WDR41: variants seen among roughly 807,000 people sequenced by gnomAD.
WDR41 encodes the protein WD repeat domain 41.
Under a neutral mutation model 69.3 loss-of-function variants are expected in WDR41, and 63 were observed. The observed-to-expected ratio is 0.91, with a 90% CI of 0.74 to 1.12. The LOEUF is 1.12. Among genes scored for constraint, WDR41 ranks in the 50% most tolerant of loss-of-function variants. The pLI, the probability that WDR41 is intolerant of heterozygous loss-of-function variation, is 0.00. For synonymous variants in WDR41, 185 were observed against 192.1 expected (o/e 0.96, Z 0.31); for missense variants, 543 against 534.5 (o/e 1.02, Z -0.16).
At chr5:77,594,709 C>G (rs115784772) in intron 1 of WDR41, among the ~76,000 whole-genome samples, 1 of 152,072 alleles carries the variant, frequency 6.6e-6, no homozygotes, top group Non-Finnish European at 1.5e-5. Context: ...TCTATGGTAA[C>G]GTAACAGAGC....
At chr5:77,571,839 C>T (rs1743739099) in intron 1 of WDR41, among the ~76,000 whole-genome samples, 1 of 152,146 alleles carries the variant, frequency 6.6e-6, no homozygotes, top group Non-Finnish European at 1.5e-5. Flanking sequence ...ATTCTTGGCT[C>T]AGGCACTAAT....
At chr5:77,573,748 A>T (rs1376150447) in intron 1 of WDR41, among the ~76,000 whole-genome samples, 1 of 152,192 alleles carries the variant, frequency 6.6e-6, no homozygotes. Flanking sequence ...TTCCGACAGA[A>T]CTAGATGTGG....
At chr5:77,620,497 A>G (rs745499266) in exon 1 of WDR41, 15 of 391,974 alleles carry the variant, frequency 3.8e-5, no homozygotes, top group Non-Finnish European at 7.4e-5. Flanking sequence ...TTTCCCCTGG[A>G]CTTGAACAAT....
chr5:77,492,360 G>A (rs1801846992), upstream of WDR41: 2 of 1,131,140 alleles, frequency 1.8e-6, no homozygotes, highest in Non-Finnish European at 1.2e-6. Context: ...ACGGGCCGAA[G>A]GAATGCAGAC....
chr5:77,563,960 A>G (rs2112261791), intron 1 of WDR41, among the ~76,000 whole-genome samples: 1 of 152,310 alleles, frequency 6.6e-6, no homozygotes, highest in East Asian at 1.9e-4. Flanking sequence ...AGTCTTGATT[A>G]GAATCTCAAT....
chr5:77,470,334 G>C (rs1343963445), intron 2 of WDR41, among the ~76,000 whole-genome samples: 5 of 152,156 alleles, frequency 3.3e-5, no homozygotes, highest in African/African-American at 4.8e-5. Flanking sequence ...ATGCCAAATT[G>C]TAAAGACCAT....
At chr5:77,605,913 T>C (rs765574943) in intron 1 of WDR41, among the ~76,000 whole-genome samples, 3 of 152,066 alleles carry the variant, frequency 2.0e-5, no homozygotes, top group Non-Finnish European at 4.4e-5. Flanking sequence ...AATACAAATG[T>C]GATTACTGTT....
chr5:77,545,166 G>A (rs1743168371), intron 1 of WDR41, among the ~76,000 whole-genome samples: 1 of 151,974 alleles, frequency 6.6e-6, no homozygotes, highest in Non-Finnish European at 1.5e-5. Context: ...CACAGCAAAG[G>A]CAGTGCTAAG....
upstream of WDR41, chr5:77,492,569 G>A (rs1375082782): frequency 3.5e-6 from 1 of 288,462 alleles, no homozygotes; most frequent in Non-Finnish European, 6.4e-6. Context: ...GCGGCCCCTG[G>A]TGGACGCGCG....
intron 1 of WDR41, among the ~76,000 whole-genome samples, chr5:77,599,174 T>C (rs1361406746): frequency 6.6e-6 from 1 of 150,946 alleles, no homozygotes; most frequent in Admixed American, 6.6e-5. Context: ...TTTACAATGG[T>C]TATCTCTTGC....
intron 1 of WDR41, among the ~76,000 whole-genome samples, chr5:77,527,915 T>C (rs1234371624): frequency 6.6e-6 from 1 of 151,792 alleles, no homozygotes; most frequent in Non-Finnish European, 1.5e-5. Context: ...AGGCGTAGTT[T>C]AAAGGAATAC....
chr5:77,557,107 G>A (rs1580008484), intron 1 of WDR41, among the ~76,000 whole-genome samples: 1 of 152,160 alleles, frequency 6.6e-6, no homozygotes, highest in East Asian at 1.9e-4. Context: ...TATATTAAAA[G>A]CAAAAGTATG....
chr5:77,598,339 T>C (rs1316006743), intron 1 of WDR41, among the ~76,000 whole-genome samples: 1 of 152,198 alleles, frequency 6.6e-6, no homozygotes, highest in African/African-American at 2.4e-5. Flanking sequence ...TACTACTCCC[T>C]TGTACAAGAT....
intron 1 of WDR41, among the ~76,000 whole-genome samples, chr5:77,566,073 C>T (rs1171881123): frequency 6.6e-6 from 1 of 152,088 alleles, no homozygotes; most frequent in Non-Finnish European, 1.5e-5. Context: ...TAATTTACCT[C>T]TCTATGGTCA....
intron 1 of WDR41, among the ~76,000 whole-genome samples, chr5:77,533,111 G>T (rs1742887064): frequency 6.6e-6 from 1 of 152,162 alleles, no homozygotes; most frequent in Non-Finnish European, 1.5e-5. Flanking sequence ...AAACCAGCAA[G>T]CTCTCTCGGG....
At chr5:77,538,619 T>G (rs1743031533) in intron 1 of WDR41, among the ~76,000 whole-genome samples, 1 of 152,230 alleles carries the variant, frequency 6.6e-6, no homozygotes, top group Non-Finnish European at 1.5e-5. Flanking sequence ...TCCATGTTGC[T>G]GCAAAGGACA....
chr5:77,562,972 G>A (rs948224432), intron 1 of WDR41, among the ~76,000 whole-genome samples: 3 of 152,062 alleles, frequency 2.0e-5, no homozygotes, highest in African/African-American at 7.2e-5. Context: ...AGTTATTGCT[G>A]TTTATCTTGT....
intron 1 of WDR41, among the ~76,000 whole-genome samples, chr5:77,603,939 G>A (rs1193298023): frequency 6.6e-6 from 1 of 152,100 alleles, no homozygotes; most frequent in East Asian, 1.9e-4. Flanking sequence ...GTATATGTCT[G>A]TTTTTATACC....
intron 1 of WDR41, among the ~76,000 whole-genome samples, chr5:77,524,613 A>ATT (rs70988688): frequency 0.32 from 48,803 of 150,748 alleles, 7,961 homozygotes; most frequent in Middle Eastern, 0.34. Flanking sequence ...ATAAGACACA[A>ATT]TTTTTTTTTT....
Sources: allele counts gnomAD v4.1 joint callset (sites outside exome capture counted in the v4.1 genomes callset), GRCh38; gene constraint gnomAD v4.1.1; transcripts MANE v1.5; gene names NCBI Gene and HGNC (gene_info 2026-07-23, HGNC 2026-07-21).